The following ABTB2 variants were observed in gnomAD, a reference collection of about 807,000 sequenced individuals.
ABTB2 encodes the protein ankyrin repeat and BTB domain containing 2, also known as ankyrin repeat and BTB/POZ domain-containing protein 2.
ABTB2 carries 56 observed loss-of-function variants against 104.1 expected under a neutral mutation model. The observed-to-expected ratio is 0.54, with a 90% CI of 0.43 to 0.67. The LOEUF (loss-of-function observed/expected upper bound fraction) is 0.67. Ranked by LOEUF, ABTB2 falls within the 30% of genes least tolerant of loss-of-function variation. The pLI is 0.00. For synonymous variants in ABTB2, 606 were observed against 608.2 expected (o/e 1.00, Z 0.05); for missense variants, 1,279 against 1,407.7 (o/e 0.91, Z 1.46).
In ABTB2 at chr11:34,183,138, C is replaced by T. The variant is rs569499608; in HGVS notation, c.1245-9831G>A. On this transcript the variant is annotated intron_variant, in intron 3 of 16. Coordinates refer to ENST00000435224, the MANE Select transcript of ABTB2 (RefSeq NM_145804.3). ...CCTTTGAGTCAGGGTCTTGCTCTGT[C>T]GCCCAGGCTGGAGGTGTAGTGGCAC... Among the ~76,000 whole-genome samples the T allele has an allele frequency of 8.5e-5, 13 of 152,170 alleles. No homozygotes were observed. In the East Asian group the frequency reaches 1.7e-3, roughly 20 times the overall value.
chr11:34,186,922 G>A (rs1853108344), intron 3 of ABTB2, among the ~76,000 whole-genome samples: 1 of 152,154 alleles, frequency 6.6e-6, no homozygotes, highest in South Asian at 2.1e-4. Context: ...CCGGCTCCGG[G>A]GTCTCACCCT....
intron 7 of ABTB2, 83 bp from the exon 8 acceptor site, chr11:34,165,439 GC>G: frequency 8.5e-7 from 1 of 1,176,628 alleles, no homozygotes; most frequent in South Asian, 1.4e-5. Context: ...CGGGGACAGG[GC>G]CTTTGCTTCT....
chr11:34,339,765 T>C (rs569973915), intron 1 of ABTB2, among the ~76,000 whole-genome samples: 2 of 152,338 alleles, frequency 1.3e-5, no homozygotes, highest in Admixed American at 6.5e-5. Flanking sequence ...TTCCAAGTTA[T>C]TTGGATTTCA....
At chr11:34,303,432 C>T (rs1295161008) in intron 1 of ABTB2, among the ~76,000 whole-genome samples, 1 of 152,166 alleles carries the variant, frequency 6.6e-6, no homozygotes, top group Non-Finnish European at 1.5e-5. Context: ...TAATCAATTG[C>T]AAGGAATACA....
At chr11:34,338,542 CAAA>C (rs35340521) in intron 1 of ABTB2, among the ~76,000 whole-genome samples, 1 of 135,802 alleles carries the variant, frequency 7.4e-6, no homozygotes. Context: ...ACTAAAAGTA[CAAA>C]AAAAAAAAAA....
intron 3 of ABTB2, among the ~76,000 whole-genome samples, chr11:34,181,401 C>A (rs1236745138): frequency 6.6e-6 from 1 of 152,160 alleles, no homozygotes; most frequent in Non-Finnish European, 1.5e-5. Context: ...CCGGGGTAGG[C>A]AGGGACCCCA....
At chr11:34,228,476 CTGGGTTCA>C (rs960947106) in intron 1 of ABTB2, among the ~76,000 whole-genome samples, 1 of 152,162 alleles carries the variant, frequency 6.6e-6, no homozygotes, top group Non-Finnish European at 1.5e-5. Flanking sequence ...CCTCTGCCTC[CTGGGTTCA>C]AGTAATTCTC....
chr11:34,278,261 T>C (rs902443128), intron 1 of ABTB2, among the ~76,000 whole-genome samples: 10 of 152,200 alleles, frequency 6.6e-5, no homozygotes, highest in African/African-American at 2.4e-4. Context: ...TCAGTGTTTT[T>C]CCTAGCTGCT....
chr11:34,204,683 G>C lies in ABTB2; in HGVS notation c.891C>G (p.Leu297=). The C allele has an allele frequency of 6.2e-7, 1 of 1,613,082 alleles. No homozygotes were observed. Among genetic ancestry groups the C allele is most frequent in the South Asian group, 1.1e-5 (1 of 90,898 alleles). Residue 297 remains leucine, a synonymous_variant, in exon 2 of 17, where the codon CTC becomes CTG. Transcript: ENST00000435224. ...AGGGGCTGAAGTATGCGGGGAGGGAGAGGACACCTATGGGGAAAGAAGGCA... is the reference window on the plus strand; with the variant it reads ...AGGGGCTGAAGTATGCGGGGAGGGACAGGACACCTATGGGGAAAGAAGGCA... ...LICGKNANGV[L]SLPAYFSPYN...
intron 1 of ABTB2, among the ~76,000 whole-genome samples, chr11:34,333,616 C>T (rs929150167): frequency 1.3e-5 from 2 of 152,046 alleles, no homozygotes; most frequent in Non-Finnish European, 2.9e-5. Context: ...ATTAGCTGGG[C>T]ATCGTGGTGC....
At chr11:34,334,307 T>C (rs1310500696) in intron 1 of ABTB2, among the ~76,000 whole-genome samples, 3 of 152,128 alleles carry the variant, frequency 2.0e-5, no homozygotes, top group Non-Finnish European at 4.4e-5. Context: ...CCAGGCAACT[T>C]AAATATCCCT....
chr11:34,283,343 G>A (rs748364874), intron 1 of ABTB2, among the ~76,000 whole-genome samples: 2 of 152,034 alleles, frequency 1.3e-5, no homozygotes, highest in Non-Finnish European at 2.9e-5. Flanking sequence ...AGCCTCTGGA[G>A]TAGCTGGGAT....
intron 1 of ABTB2, among the ~76,000 whole-genome samples, chr11:34,271,101 C>T (rs1439662635): frequency 2.6e-5 from 4 of 151,986 alleles, no homozygotes; most frequent in Admixed American, 6.6e-5. Flanking sequence ...CGGGTGATGG[C>T]GGGGAAGTGC....
At chr11:34,336,003 C>A in intron 1 of ABTB2, 1 of 555,116 alleles carries the variant, frequency 1.8e-6, no homozygotes, top group Non-Finnish European at 3.3e-6. Flanking sequence ...CATTGGCCAA[C>A]TCTACTGGAG....
At chr11:34,223,846 TTCTG>T (rs1220168700) in intron 1 of ABTB2, among the ~76,000 whole-genome samples, 8 of 152,250 alleles carry the variant, frequency 5.3e-5, no homozygotes, top group African/African-American at 1.9e-4. Context: ...TTCTCCTTAT[TTCTG>T]TCTTTTTGCA....
chr11:34,263,358 G>A (rs980526145), intron 1 of ABTB2, among the ~76,000 whole-genome samples: 3 of 152,122 alleles, frequency 2.0e-5, no homozygotes, highest in Admixed American at 2.0e-4. Flanking sequence ...GCTTTTTATT[G>A]CAACAAAAGC....
At chr11:34,236,556 A>AC (rs1853846333) in intron 1 of ABTB2, among the ~76,000 whole-genome samples, 1 of 151,996 alleles carries the variant, frequency 6.6e-6, no homozygotes, top group South Asian at 2.1e-4. Flanking sequence ...AAGCCAGAGG[A>AC]CCCCATTCTC....
intron 1 of ABTB2, among the ~76,000 whole-genome samples, chr11:34,218,846 CAAAAAAAAA>C (rs35803950): frequency 3.3e-5 from 2 of 60,984 alleles, no homozygotes; most frequent in Non-Finnish European, 5.8e-5. Context: ...AACTCCATCT[CAAAAAAAAA>C]AAAAAAAAAA....
intron 1 of ABTB2, among the ~76,000 whole-genome samples, chr11:34,346,148 G>A (rs756100053): frequency 1.4e-4 from 22 of 152,252 alleles, no homozygotes; most frequent in Non-Finnish European, 2.4e-4. Flanking sequence ...TTGAAACACC[G>A]GCCCTGCCAA....
Sources: gnomAD v4.1 joint callset for allele counts (sites outside exome capture counted in the v4.1 genomes callset) on GRCh38, gnomAD v4.1.1 for gene constraint, MANE v1.5 for transcripts, NCBI Gene and HGNC (gene_info 2026-07-23, HGNC 2026-07-21) for gene names.